Variants in TSSK4 observed in about 807,000 individuals in gnomAD.
The protein encoded by TSSK4 is testis specific serine kinase 4.
Under a neutral mutation model 28.5 loss-of-function variants are expected in TSSK4, and 22 were observed. The observed-to-expected ratio is 0.77, with a 90% CI of 0.55 to 1.10. The LOEUF (loss-of-function observed/expected upper bound fraction) is 1.10. Ranked by LOEUF, TSSK4 falls within the 50% of genes least tolerant of loss-of-function variation. The pLI is 0.00. For synonymous variants in TSSK4, 151 were observed against 158.3 expected, an observed-to-expected ratio of 0.95 and a Z score of 0.35; for missense variants, 329 against 415.4, an observed-to-expected ratio of 0.79 and a Z score of 1.81.
At position 24,207,453 on chromosome 14, in the gene TSSK4, G is replaced by C. The variant is rs773548004; in HGVS notation, c.778G>C (p.Glu260Gln). 5 of 1,614,120 alleles carry C rather than the reference G, an allele frequency of 3.1e-6. No homozygotes were observed. In the South Asian group the frequency reaches 5.5e-5, roughly 18 times the overall value. The change falls in exon 3 of 4, where the codon GAG becomes CAG. Residue 260 changes from glutamate to glutamine, a missense_variant. By Grantham distance (29) the Glu-to-Gln change is conservative. Around this residue, in one of 3 missense-constraint regions of TSSK4, gnomAD observed 139 missense variants for 178.1 expected, o/e 0.78. Transcript: ENST00000339917. ...DDTNLKKLLR[E>Q]TQKEVTFPAN... ...CACCAATCTCAAAAAGCTGCTAAGA[G>C]AGACTCAGAAGGAGGTCACTTTCCC...
rs1281117038 is a variant in TSSK4 at position 24,207,305 on chromosome 14, C to A, written c.630C>A (p.Gly210=). The part of the protein sequence containing the change: ...CFSHLSQTYC[G]SFAYACPEIL... ...CCCACCTCAGCCAGACTTACTGTGG[C>A]AGCTTTGCTTACGCTTGCCCAGAGA... Residue 210 remains glycine, a synonymous_variant, in exon 3 of 4, where the codon GGC becomes GGA. Transcript: ENST00000339917. The A allele has an allele frequency of 6.2e-7, 1 of 1,614,018 alleles. No homozygotes were observed. The highest frequency in any genetic ancestry group is 8.5e-7 in the Non-Finnish European group (1 of 1,179,992).
rs765064827 is a variant in TSSK4 at position 24,207,384 on chromosome 14, G to A, written c.709G>A (p.Val237Ile). 9.9e-6 allele frequency: 16 copies of A among 1,614,122 alleles called. No homozygotes were observed. Among genetic ancestry groups the A allele is most frequent in the Admixed American group, 3.3e-5 (2 of 60,014 alleles). Reference protein sequence around the residue: ...PFLSDTWSMGVILYTLVVAHL... With the variant: ...PFLSDTWSMGIILYTLVVAHL... ...CCTGTCTGACACCTGGAGCATGGGC[G>A]TCATCCTTTACACTCTAGTGGTCGC... The change falls in exon 3 of 4, where the codon GTC becomes ATC. Residue 237 changes from valine to isoleucine, a missense_variant. Physicochemically the swap from Val to Ile is conservative, Grantham distance 29 (BLOSUM62 3). Coordinates refer to ENST00000339917, the MANE Select transcript of TSSK4 (RefSeq NM_001184739.2).
At position 24,207,487 on chromosome 14, in the gene TSSK4, AT is replaced by A; in HGVS notation, c.813del (p.His271GlnfsTer10). The A allele has an allele frequency of 1.2e-6, 2 of 1,611,778 alleles. No homozygotes were observed. Among genetic ancestry groups the A allele is most frequent in the Non-Finnish European group, 1.7e-6 (2 of 1,178,776 alleles). ...TQKEVTFPAN[H>X]TISQECKNLI... Reference sequence around the variant, plus strand: ...AAGGAGGTCACTTTCCCAGCTAACCATACCATCTCCCAGGAGTGCAAGGTAC... The same window carrying A: ...AAGGAGGTCACTTTCCCAGCTAACCAACCATCTCCCAGGAGTGCAAGGTAC... On this transcript the variant is annotated frameshift_variant, in exon 3 of 4. Coordinates refer to ENST00000339917, the MANE Select transcript of TSSK4 (RefSeq NM_001184739.2). LOFTEE classifies it high-confidence loss of function.
At position 24,208,001 on chromosome 14, in the gene TSSK4, G is replaced by A. The variant is rs565333393; in HGVS notation, c.872G>A (p.Arg291His). 8.7e-6 allele frequency: 14 copies of A among 1,614,172 alleles called. No homozygotes were observed. Among genetic ancestry groups the A allele is most frequent in the East Asian group, 4.5e-5 (2 of 44,890 alleles). The change falls in exon 4 of 4, where the codon CGT (arginine) becomes CAT (histidine). Residue 291 changes from arginine (R) to histidine (H), a missense_variant. By Grantham distance (29) the Arg-to-His change is conservative. Around this residue, in one of 3 missense-constraint regions of TSSK4, gnomAD observed 139 missense variants for 178.1 expected, o/e 0.78. Coordinates refer to ENST00000339917, the MANE Select transcript of TSSK4 (RefSeq NM_001184739.2). The stretch of plus-strand genomic sequence containing the variant: ...CAGATGCTACGCCAAGCCACTAAGC[G>A]TGCCACCATTCTGGACATCATCAAG... ...ILQMLRQATKRATILDIIKDS... is the reference protein window; with the variant it reads ...ILQMLRQATKHATILDIIKDS...
Position 24,207,126 on chromosome 14 carries a change from A to C in TSSK4, c.451A>C (p.Ser151Arg), listed in dbSNP as rs1347160225. ...SKSIVHRLMPSLSAAGRDLKL... is the reference protein window; with the variant it reads ...SKSIVHRLMPRLSAAGRDLKL... ...AAGCCCTCTCCCCAGCCTGATGCCC[A>C]GCCTTTCTGCTGCTGGTAGGGACTT... The change falls in exon 3 of 4, where the codon AGC becomes CGC. Residue 151 changes from serine to arginine, a missense_variant. Coordinates refer to ENST00000339917, the MANE Select transcript of TSSK4 (RefSeq NM_001184739.2). 5 of 1,607,206 alleles carry C rather than the reference A, an allele frequency of 3.1e-6. No homozygotes were observed. In the Admixed American group the frequency reaches 8.3e-5, roughly 27 times the overall value.
intron 3 of TSSK4, 154 bp from the exon 4 acceptor site, chr14:24,207,810 C>T (rs1257299994): frequency 6.9e-7 from 1 of 1,447,540 alleles, no homozygotes; most frequent in Non-Finnish European, 9.4e-7. Flanking sequence ...AGGGAGTTAA[C>T]TGCCTGGGTC....
intron 2 of TSSK4, 22 bp downstream of exon 2, chr14:24,206,745 C>T (rs1162204997): frequency 6.2e-7 from 1 of 1,611,144 alleles, no homozygotes; most frequent in South Asian, 1.1e-5. Flanking sequence ...GCCACCCAGA[C>T]TGGGGCCTTT....
intron 2 of TSSK4, 81 bp downstream of exon 2, chr14:24,206,804 C>A: frequency 7.0e-7 from 1 of 1,427,354 alleles, no homozygotes; most frequent in Non-Finnish European, 9.6e-7. Flanking sequence ...TCCTTTTTTC[C>A]TCTTTCGAAC....
rs2039506209 is a variant in TSSK4 at position 24,205,800 on chromosome 14, T to C, written c.-124T>C. The C allele has an allele frequency of 1.4e-6, 1 of 693,232 alleles. No homozygotes were observed. Among genetic ancestry groups the C allele is most frequent in the Non-Finnish European group, 2.6e-6 (1 of 388,126 alleles). The allele number at this position is 693,232 out of a possible 1,614,324, so 42.9% of individuals were successfully genotyped here. A position where few individuals can be genotyped will look rare whatever the true frequency, so the allele number is the denominator to read the frequency against. On this transcript the variant is annotated 5_prime_UTR_variant, in exon 1 of 4. Transcript: ENST00000339917. ...CCAGCATCCCAGACTCGTGTGACTA[T>C]ATAGGCAAGCATTTGGGGACCTACT...
chr14:24,206,611 G>A lies in TSSK4; in HGVS notation c.328G>A (p.Val110Ile). 2 of 1,614,226 alleles carry A rather than the reference G, an allele frequency of 1.2e-6. No homozygotes were observed. The highest frequency in any genetic ancestry group is 1.7e-6 in the Non-Finnish European group (2 of 1,180,040). The change falls in exon 2 of 4, where the codon GTC becomes ATC. Residue 110 changes from valine to isoleucine, a missense_variant. Val to Ile is a conservative substitution (Grantham distance 29). This residue lies in a region of TSSK4 where 175 missense variants were observed against 196.0 expected (regional missense o/e 0.89). Coordinates refer to ENST00000339917, the MANE Select transcript of TSSK4 (RefSeq NM_001184739.2). ...TCTGGAACTGGCTCAGGGTGGTGAT[G>A]TCCTTGAATGGATCCAGCGCTACGG... ...IILELAQGGD[V>I]LEWIQRYGAC... is the part of the protein sequence containing the mutation.
intron 2 of TSSK4, 179 bp downstream of exon 2, chr14:24,206,902 T>C: frequency 1.0e-6 from 1 of 984,252 alleles, no homozygotes. Context: ...ATGCAAAGCA[T>C]TTTATGAAAT....
Position 24,206,101 on chromosome 14 carries a change from A to T in TSSK4, c.178A>T (p.Lys60Ter). The T allele has an allele frequency of 6.2e-7, 1 of 1,614,198 alleles. No individual in the cohort carries two copies. Among genetic ancestry groups the T allele is most frequent in the Non-Finnish European group, 8.5e-7 (1 of 1,180,038 alleles). The change falls in exon 1 of 4, where the codon AAG becomes TAG. Residue 60 changes from lysine (K) to a stop codon, truncating the protein, a stop_gained. Transcript: ENST00000339917. LOFTEE classifies it high-confidence loss of function. ...MVAVKIISKK[K>*]ASDDYLNKFL... ...GGCAGTCAAGATCATCTCAAAGAAG[A>T]AGGCCTCTGATGACTATCTTAACAA...
intron 1 of TSSK4, 88 bp downstream of exon 1, chr14:24,206,236 G>A: frequency 3.8e-6 from 4 of 1,058,946 alleles, no homozygotes; most frequent in African/African-American, 1.6e-5. Flanking sequence ...GAGGGGTGGG[G>A]CCAGAAACCC....
chr14:24,207,344 G>T lies in TSSK4; in HGVS notation c.669G>T (p.Leu223Phe), dbSNP rs2138854790. The T allele has an allele frequency of 6.2e-7, 1 of 1,614,136 alleles. No homozygotes were observed. Among genetic ancestry groups the T allele is most frequent in the Admixed American group, 1.7e-5 (1 of 60,016 alleles). The change falls in exon 3 of 4, where the codon TTG (leucine) becomes TTT (phenylalanine). Residue 223 changes from leucine (L) to phenylalanine (F), a missense_variant. Physicochemically the swap from Leu to Phe is conservative, Grantham distance 22. Around this residue, in one of 3 missense-constraint regions of TSSK4, gnomAD observed 139 missense variants for 178.1 expected, o/e 0.78. Coordinates refer to ENST00000339917, the MANE Select transcript of TSSK4 (RefSeq NM_001184739.2). ...AYACPEILRG[L>F]PYNPFLSDTW... ...CTTGCCCAGAGATCTTACGAGGCTT[G>T]CCCTACAACCCTTTCCTGTCTGACA...
At chr14:24,207,825 A>C in intron 3 of TSSK4, 139 bp from the exon 4 acceptor site, 6 of 1,526,888 alleles carry the variant, frequency 3.9e-6, no homozygotes, top group Non-Finnish European at 5.3e-6. Flanking sequence ...TGGGTCTCCA[A>C]GATAAAATCA....
chr14:24,205,767 G>A lies in TSSK4; in HGVS notation c.-157G>A, dbSNP rs1421241082. ...TTCCCCCTCCAAGTTCCTAGTGGAG[G>A]GCTGAGTCCAGCATCCCAGACTCGT... is the stretch of plus-strand genomic sequence containing the variant. On this transcript the variant is annotated 5_prime_UTR_variant, in exon 1 of 4. Coordinates refer to ENST00000339917, the MANE Select transcript of TSSK4 (RefSeq NM_001184739.2). The A allele has an allele frequency of 3.3e-6, 2 of 609,666 alleles. No homozygotes were observed. Among genetic ancestry groups the A allele is most frequent in the East Asian group, 5.5e-5 (2 of 36,238 alleles). 37.8% of individuals were successfully genotyped at this position (609,666 alleles called of 1,614,324 possible). A position where few individuals can be genotyped will look rare whatever the true frequency, so the allele number is the denominator to read the frequency against.
chr14:24,207,103 G>T lies in TSSK4; in HGVS notation c.441-13G>T. Reference sequence around the variant, plus strand: ...CCTTCAGCTCCCAGTCTAAAACTAAGCCCTCTCCCCAGCCTGATGCCCAGC... The same window carrying T: ...CCTTCAGCTCCCAGTCTAAAACTAATCCCTCTCCCCAGCCTGATGCCCAGC... On this transcript the variant is annotated splice_polypyrimidine_tract_variant and intron_variant, in intron 2 of 3. Transcript: ENST00000339917. The T allele has an allele frequency of 6.2e-7, 1 of 1,602,830 alleles. No homozygotes were observed.
rs1008179126 is a variant in TSSK4 at position 24,205,979 on chromosome 14, T to G, written c.56T>G (p.Leu19Arg). The G allele has an allele frequency of 1.1e-5, 18 of 1,614,196 alleles. No individual in the cohort carries two copies. The highest frequency in any genetic ancestry group is 1.5e-5 in the Non-Finnish European group (18 of 1,180,038). Residue 19 changes from leucine (L) to arginine (R), a missense_variant, in exon 1 of 4, where the codon CTC (leucine) becomes CGC (arginine). Around this residue, in one of 3 missense-constraint regions of TSSK4, gnomAD observed 175 missense variants for 196.0 expected, o/e 0.89. Coordinates refer to ENST00000339917, the MANE Select transcript of TSSK4 (RefSeq NM_001184739.2). Reference sequence around the variant, plus strand: ...CCAACCACCACAGCCTACCATTCCCTCATGGATGAATATGGTTATGAGGTG... The same window carrying G: ...CCAACCACCACAGCCTACCATTCCCGCATGGATGAATATGGTTATGAGGTG... ...AAPTTTAYHS[L>R]MDEYGYEVGK... is the part of the protein sequence containing the mutation.
chr14:24,207,911 G>C (rs762835909), intron 3 of TSSK4, 53 bp from the exon 4 acceptor site: 2 of 1,613,398 alleles, frequency 1.2e-6, no homozygotes, highest in Non-Finnish European at 1.7e-6. Flanking sequence ...CTCATTGCCT[G>C]TGTGGCACAA....
Sources: gnomAD v4.1 joint callset for allele counts on GRCh38, gnomAD v4.1.1 for gene constraint, gnomAD v4.1.1 regional missense constraint, MANE v1.5 for transcripts, NCBI Gene and HGNC (gene_info 2026-07-23, HGNC 2026-07-21) for gene names.